CPB1: variants seen among roughly 807,000 people sequenced by gnomAD.
CPB1 encodes carboxypeptidase B.
CPB1 carries 53 observed loss-of-function variants against 51.4 expected under a neutral mutation model. The observed-to-expected ratio is 1.03, with a 90% CI of 0.83 to 1.30. CPB1 has a LOEUF of 1.30. Among genes scored for constraint, CPB1 ranks in the 50% most tolerant of loss-of-function variants. The pLI is 0.00. For missense variants in CPB1, 494 were observed against 516.2 expected (o/e 0.96, Z 0.42); for synonymous variants, 189 against 186.9 (o/e 1.01, Z -0.09).
At chr3:148,843,562 C>A (rs895192421) in intron 6 of CPB1, among the ~76,000 whole-genome samples, 6 of 151,896 alleles carry the variant, frequency 4.0e-5, no homozygotes, top group African/African-American at 1.5e-4. Context: ...AATTTGTAGA[C>A]CATTAAAAGA....
intron 10 of CPB1, among the ~76,000 whole-genome samples, chr3:148,858,585 A>G (rs540561636): frequency 1.7e-3 from 264 of 151,988 alleles, no homozygotes; most frequent in African/African-American, 6.0e-3. Context: ...AAAAAAAAAG[A>G]CAGAGTGTTT....
At chr3:148,846,823 A>G (rs1433731750) in intron 9 of CPB1, among the ~76,000 whole-genome samples, 1,119 of 109,084 alleles carry the variant, frequency 0.01, 79 homozygotes, top group African/African-American at 0.024. Flanking sequence ...ATATATATAT[A>G]TATATATATA....
At chr3:148,846,747 AT>A (rs1713252306) in intron 9 of CPB1, among the ~76,000 whole-genome samples, 2 of 8,116 alleles carry the variant, frequency 2.5e-4, no homozygotes, top group African/African-American at 7.5e-4. Flanking sequence ...ATATATATAT[AT>A]ATATATACAT....
At chr3:148,843,411 C>T (rs973506062) in intron 6 of CPB1, among the ~76,000 whole-genome samples, 18 of 152,004 alleles carry the variant, frequency 1.2e-4, no homozygotes, top group African/African-American at 3.6e-4. Context: ...GTGTGAAGCA[C>T]TTCCGTACAT....
At chr3:148,842,860 C>T (rs1713126081) in intron 6 of CPB1, among the ~76,000 whole-genome samples, 4 of 152,188 alleles carry the variant, frequency 2.6e-5, no homozygotes, top group Admixed American at 6.5e-5. Context: ...ATCAATATAA[C>T]GTAGCTTCAG....
At position 148,844,673 on chromosome 3, in the gene CPB1, T is replaced by C. The variant is rs1388778207; in HGVS notation, c.688-4T>C. The C allele has an allele frequency of 6.2e-7, 1 of 1,613,906 alleles. No homozygotes were observed. Among genetic ancestry groups the C allele is most frequent in the Admixed American group, 1.7e-5 (1 of 59,998 alleles). Reference sequence around the variant, plus strand: ...TTTGTCCTAACTATGTAGTCCACTTTCAGAGCCGATTTTGGAGAAAGACTC... The same window carrying C: ...TTTGTCCTAACTATGTAGTCCACTTCCAGAGCCGATTTTGGAGAAAGACTC... On this transcript the variant is annotated splice_region_variant and splice_polypyrimidine_tract_variant and intron_variant, in intron 7 of 10. Coordinates refer to ENST00000282957, the MANE Select transcript of CPB1 (RefSeq NM_001871.3).
Position 148,834,533 on chromosome 3 carries a change from C to CT in CPB1, c.183_184insT (p.Lys62Ter). 1.2e-6 allele frequency: 2 copies of CT among 1,613,600 alleles called. No homozygotes were observed. The highest frequency in any genetic ancestry group is 1.3e-5 in the African/African-American group (1 of 75,048). ...GGAAGCCAGATTCTGTCACACAAAT[C>CT]AAACCTCACAGTACAGTTGACTTCC... On this transcript the variant is annotated frameshift_variant, in exon 3 of 11. Transcript: ENST00000282957. LOFTEE classifies it high-confidence loss of function.
In CPB1 at chr3:148,844,556, A is replaced by C. The variant is rs746360549; in HGVS notation, c.655A>C (p.Asn219His). ...AGACTTTTATGTCCTGCCTGTGCTC[A>C]ATATTGATGGCTACATCTACACCTG... ...KLDFYVLPVLNIDGYIYTWTK... is the reference protein window; with the variant it reads ...KLDFYVLPVLHIDGYIYTWTK... The change falls in exon 7 of 11, where the codon AAT (asparagine) becomes CAT (histidine). Residue 219 changes from asparagine (N) to histidine (H), a missense_variant. Transcript: ENST00000282957. 6.2e-7 allele frequency: 1 copy of C among 1,613,900 alleles called. No individual in the cohort carries two copies.
chr3:148,851,040 C>T (rs1317087180), intron 9 of CPB1: 1 of 152,238 alleles, frequency 6.6e-6, no homozygotes, highest in Non-Finnish European at 1.5e-5. Flanking sequence ...TATCAATCAT[C>T]GAAAATTTCA....
chr3:148,854,188 T>A (rs952535360), intron 9 of CPB1: 3 of 152,236 alleles, frequency 2.0e-5, no homozygotes, highest in Non-Finnish European at 4.4e-5. Context: ...TCATCTGGGT[T>A]GATTGGAACA....
intron 2 of CPB1, among the ~76,000 whole-genome samples, chr3:148,829,907 G>A (rs1210015493): frequency 2.6e-5 from 4 of 152,188 alleles, no homozygotes; most frequent in Middle Eastern, 3.4e-3. Flanking sequence ...TGTTACCTAG[G>A]GGTAACTCTG....
chr3:148,835,928 G>GA (rs1046226267), intron 3 of CPB1, among the ~76,000 whole-genome samples: 8 of 152,128 alleles, frequency 5.3e-5, no homozygotes, highest in African/African-American at 1.9e-4. Flanking sequence ...AAGGCTTTGG[G>GA]AAAAAAACAG....
At chr3:148,858,462 C>T (rs1245129991) in intron 10 of CPB1, among the ~76,000 whole-genome samples, 1 of 151,988 alleles carries the variant, frequency 6.6e-6, no homozygotes, top group Non-Finnish European at 1.5e-5. Flanking sequence ...ATCCCAGCTG[C>T]TCGGGAGGCT....
chr3:148,859,664 C>T, intron 10 of CPB1, 151 bp from the exon 11 acceptor site: 1 of 650,916 alleles, frequency 1.5e-6, no homozygotes, highest in South Asian at 2.4e-5. Flanking sequence ...AAAACAGCCC[C>T]CATAACATTT....
intron 2 of CPB1, 92 bp from the exon 3 acceptor site, chr3:148,834,406 A>T: frequency 8.3e-7 from 1 of 1,212,058 alleles, no homozygotes; most frequent in South Asian, 1.3e-5. Context: ...TGATTTTGAA[A>T]ATAACTCAAT....
chr3:148,834,608 T>C lies in CPB1; in HGVS notation c.258T>C (p.Asn86=), dbSNP rs1280503181. Residue 86 remains asparagine, a synonymous_variant, in exon 3 of 11, where the codon AAT becomes AAC. Coordinates refer to ENST00000282957, the MANE Select transcript of CPB1 (RefSeq NM_001871.3). The part of the protein sequence containing the change: ...TVTVENVLKQ[N]ELQYKVLISN... ...CTGTGGAGAATGTTCTAAAGCAGAA[T>C]GAACTACAATACAAGTAAGTTTATG... 3 of 1,610,182 alleles carry C rather than the reference T, an allele frequency of 1.9e-6. No homozygotes were observed. Among genetic ancestry groups the C allele is most frequent in the African/African-American group, 1.3e-5 (1 of 74,880 alleles).
At chr3:148,832,245 C>A (rs1712759368) in intron 2 of CPB1, among the ~76,000 whole-genome samples, 1 of 151,860 alleles carries the variant, frequency 6.6e-6, no homozygotes, top group Non-Finnish European at 1.5e-5. Context: ...AGAGCTAGGA[C>A]CAATGGGTAA....
chr3:148,857,476 C>T lies in CPB1; in HGVS notation c.1001C>T (p.Thr334Ile), dbSNP rs748191398. 1.7e-5 allele frequency: 27 copies of T among 1,613,886 alleles called. No individual in the cohort carries two copies. The highest frequency in any genetic ancestry group is 3.3e-5 in the Admixed American group (2 of 60,004). ...TTGCAGAATGCCCTGGCTAAAGCTA[C>T]TGTGAAAGAACTTGCCTCACTGCAC... ...NAELNALAKA[T>I]VKELASLHGT... The change falls in exon 10 of 11, where the codon ACT becomes ATT. Residue 334 changes from threonine (T) to isoleucine (I), a missense_variant. Physicochemically the swap from Thr to Ile is moderately conservative, Grantham distance 89 (BLOSUM62 -1). Transcript: ENST00000282957.
At chr3:148,842,181 T>C (rs1713104799) in intron 6 of CPB1, among the ~76,000 whole-genome samples, 1 of 152,000 alleles carries the variant, frequency 6.6e-6, no homozygotes, top group South Asian at 2.1e-4. Flanking sequence ...GGCCCAGGAA[T>C]TGGAGACCAG....
Sources: gnomAD v4.1 joint callset for allele counts (sites outside exome capture counted in the v4.1 genomes callset) on GRCh38, gnomAD v4.1.1 for gene constraint, MANE v1.5 for transcripts, NCBI Gene and HGNC (gene_info 2026-07-23, HGNC 2026-07-21) for gene names.